UNC5C: variants seen among roughly 807,000 people sequenced by gnomAD.
The protein encoded by UNC5C is netrin receptor UNC5C.
A neutral mutation model predicts 99.8 loss-of-function variants in UNC5C; 47 were observed. The observed-to-expected ratio is 0.47, with a 90% CI of 0.37 to 0.60. UNC5C has a LOEUF of 0.60. Among genes scored for constraint, UNC5C ranks in the 20% least tolerant of loss-of-function variants. The pLI is 0.00. For synonymous variants in UNC5C, 487 were observed against 452.2 expected (o/e 1.08, Z -0.98); for missense variants, 1,062 against 1,165.9 (o/e 0.91, Z 1.30).
chr4:95,377,494 C>T (rs1560810440), intron 1 of UNC5C, among the ~76,000 whole-genome samples: 1 of 152,162 alleles, frequency 6.6e-6, no homozygotes, highest in Non-Finnish European at 1.5e-5. Flanking sequence ...GCTTTGGCAT[C>T]TCATGGATTC....
chr4:95,385,694 G>T (rs1489720971), intron 1 of UNC5C, among the ~76,000 whole-genome samples: 2 of 152,142 alleles, frequency 1.3e-5, no homozygotes, highest in African/African-American at 4.8e-5. Flanking sequence ...GTGGTTGAAG[G>T]TCCAGTCCCA....
chr4:95,492,244 G>A (rs988711173), intron 1 of UNC5C, among the ~76,000 whole-genome samples: 2 of 151,326 alleles, frequency 1.3e-5, no homozygotes, highest in African/African-American at 4.8e-5. Context: ...CTTGCCCCGA[G>A]TAGCCAAGAT....
At chr4:95,254,915 G>C (rs887062210) in intron 4 of UNC5C, among the ~76,000 whole-genome samples, 1 of 151,794 alleles carries the variant, frequency 6.6e-6, no homozygotes, top group Non-Finnish European at 1.5e-5. Flanking sequence ...GCATTATACT[G>C]TCAATGCTCT....
intron 1 of UNC5C, among the ~76,000 whole-genome samples, chr4:95,364,080 A>G (rs1579359764): frequency 1.3e-5 from 2 of 152,190 alleles, no homozygotes; most frequent in Admixed American, 1.3e-4. Flanking sequence ...TCCTGGTCCC[A>G]CTTTCTGCTG....
intron 2 of UNC5C, among the ~76,000 whole-genome samples, chr4:95,319,985 A>G (rs550153020): frequency 6.6e-6 from 1 of 152,324 alleles, no homozygotes; most frequent in East Asian, 1.9e-4. Flanking sequence ...ACACCCAACA[A>G]TAATATTTAA....
intron 9 of UNC5C, among the ~76,000 whole-genome samples, chr4:95,217,330 G>T (rs1226272323): frequency 6.6e-6 from 1 of 152,176 alleles, no homozygotes; most frequent in Admixed American, 6.5e-5. Flanking sequence ...ACTGGTTGAA[G>T]ATGTTGAGCC....
At position 95,384,143 on chromosome 4, in the gene UNC5C, G is replaced by A. The variant is rs1199249340; in HGVS notation, c.125-48512C>T. 3.3e-5 allele frequency among the ~76,000 whole-genome samples: 5 copies of A among 152,132 alleles called. No homozygotes were observed. The East Asian group carries it at 9.7e-4, about 29-fold the overall frequency. On this transcript the variant is annotated intron_variant, in intron 1 of 15. Coordinates refer to ENST00000453304, the MANE Select transcript of UNC5C (RefSeq NM_003728.4). ...GTTCCAAGCCCAAATATTTCATTAT[G>A]TACAGATATAAGGGCCCAATGTGAA...
intron 1 of UNC5C, among the ~76,000 whole-genome samples, chr4:95,457,886 G>A (rs1747489021): frequency 6.6e-6 from 1 of 151,902 alleles, no homozygotes; most frequent in Non-Finnish European, 1.5e-5. Flanking sequence ...TGAGATGGCA[G>A]CCCCAGCTAA....
At chr4:95,350,088 A>G (rs931275720) in intron 1 of UNC5C, among the ~76,000 whole-genome samples, 2 of 152,184 alleles carry the variant, frequency 1.3e-5, no homozygotes, top group East Asian at 1.9e-4. Context: ...TATCATGTTT[A>G]TAACTAATTT....
At chr4:95,268,337 C>G (rs1325912106) in intron 4 of UNC5C, among the ~76,000 whole-genome samples, 1 of 152,146 alleles carries the variant, frequency 6.6e-6, no homozygotes. Context: ...GATAAATAAA[C>G]AACATCCCTG....
intron 3 of UNC5C, among the ~76,000 whole-genome samples, chr4:95,280,076 C>G (rs142513917): frequency 6.6e-6 from 1 of 152,140 alleles, no homozygotes; most frequent in African/African-American, 2.4e-5. Context: ...TCCTGCTGTG[C>G]GACCAGCTCC....
chr4:95,279,302 C>A (rs6812119), intron 3 of UNC5C, among the ~76,000 whole-genome samples: 89,465 of 151,980 alleles, frequency 0.59, 26,415 homozygotes, highest in East Asian at 0.84. Flanking sequence ...TTTCTGCTCA[C>A]ATATCCCAGG....
chr4:95,504,916 T>C (rs1721874670), intron 1 of UNC5C, among the ~76,000 whole-genome samples: 1 of 152,124 alleles, frequency 6.6e-6, no homozygotes, highest in African/African-American at 2.4e-5. Flanking sequence ...TTTTATTTTT[T>C]ATACAATTGC....
intron 14 of UNC5C, among the ~76,000 whole-genome samples, chr4:95,174,038 T>C (rs1736233753): frequency 6.6e-6 from 1 of 152,220 alleles, no homozygotes; most frequent in Non-Finnish European, 1.5e-5. Context: ...TAGAGGTGTT[T>C]GTAGTATTCT....
chr4:95,528,630 C>T (rs1578210840), intron 1 of UNC5C, among the ~76,000 whole-genome samples: 1 of 152,132 alleles, frequency 6.6e-6, no homozygotes, highest in East Asian at 1.9e-4. Flanking sequence ...AATAAAACAG[C>T]TAAATTTGGA....
At chr4:95,173,682 G>A (rs567586586) in intron 14 of UNC5C, among the ~76,000 whole-genome samples, 2 of 151,654 alleles carry the variant, frequency 1.3e-5, no homozygotes, top group East Asian at 2.0e-4. Context: ...TGTTCATCAA[G>A]GATATTGGTC....
chr4:95,364,002 A>G (rs879903919), intron 1 of UNC5C, among the ~76,000 whole-genome samples: 7 of 152,142 alleles, frequency 4.6e-5, no homozygotes, highest in African/African-American at 7.2e-5. Flanking sequence ...ATACTTTTAC[A>G]TCTGTGTTTA....
chr4:95,519,071 G>T (rs1722284481), intron 1 of UNC5C, among the ~76,000 whole-genome samples: 1 of 152,094 alleles, frequency 6.6e-6, no homozygotes, highest in Non-Finnish European at 1.5e-5. Context: ...CATACTTTGG[G>T]AAACTTGCTT....
intron 1 of UNC5C, among the ~76,000 whole-genome samples, chr4:95,424,600 C>T (rs1746419887): frequency 7.0e-6 from 1 of 142,040 alleles, no homozygotes; most frequent in South Asian, 2.3e-4. Flanking sequence ...CGGCTCACTG[C>T]AAGCTCCACC....
Sources: allele counts gnomAD v4.1 joint callset (sites outside exome capture counted in the v4.1 genomes callset), GRCh38; gene constraint gnomAD v4.1.1; transcripts MANE v1.5; gene names NCBI Gene and HGNC (gene_info 2026-07-23, HGNC 2026-07-21).